Variants in DLGAP2 observed in about 807,000 individuals in gnomAD.
DLGAP2 encodes disks large-associated protein 2.
Under a neutral mutation model 100.3 loss-of-function variants are expected in DLGAP2, and 26 were observed. The observed-to-expected ratio is 0.26, with a 90% CI of 0.19 to 0.36. The LOEUF (loss-of-function observed/expected upper bound fraction) is 0.36. Ranked by LOEUF, DLGAP2 falls within the 10% of genes least tolerant of loss-of-function variation. The probability of loss-of-function intolerance (pLI) is 1.00; values close to 1 mark genes in which losing one functional copy is unlikely to be tolerated. For missense variants in DLGAP2, 1,858 were observed against 1,453.2 expected, an observed-to-expected ratio of 1.28 and a Z score of -4.53; for synonymous variants, 886 against 630.1, an observed-to-expected ratio of 1.41 and a Z score of -6.08.
chr8:979,095 A>G (rs1800255577), intron 2 of DLGAP2, among the ~76,000 whole-genome samples: 2 of 152,030 alleles, frequency 1.3e-5, no homozygotes, highest in Admixed American at 1.3e-4. Context: ...TAAGAATTCT[A>G]AATTGGGGGT....
chr8:1,206,231 C>G (rs1233187479), intron 2 of DLGAP2, among the ~76,000 whole-genome samples: 3 of 152,200 alleles, frequency 2.0e-5, no homozygotes, highest in Non-Finnish European at 4.4e-5. Flanking sequence ...ACCACAGTCT[C>G]TTGGCCACGC....
intron 3 of DLGAP2, among the ~76,000 whole-genome samples, chr8:1,443,594 A>T (rs1354762868): frequency 6.6e-6 from 1 of 152,226 alleles, no homozygotes; most frequent in East Asian, 1.9e-4. Context: ...TCACAGTTCC[A>T]CACGGCTGGG....
In DLGAP2 at chr8:1,267,637, G is replaced by GAAATCAAATCAAA. The variant is rs1382093781; in HGVS notation, c.106+8754_106+8755insAAATCAAATCAAA. ...ATAAGATAAGATAAATATTAAATAGGTCTACAAAAAGGCCTCCAGGGTCAG... is the reference window on the plus strand; with the variant it reads ...ATAAGATAAGATAAATATTAAATAGGAAATCAAATCAAATCTACAAAAAGGCCTCCAGGGTCAG... On this transcript the variant is annotated intron_variant, in intron 3 of 14. Coordinates refer to ENST00000637795, the MANE Select transcript of DLGAP2 (RefSeq NM_001346810.2). 1.3e-3 allele frequency among the ~76,000 whole-genome samples: 121 copies of GAAATCAAATCAAA among 91,962 alleles called. 3 individuals carry two copies. The East Asian group carries it at 0.016, about 12-fold the overall frequency. 60.3% of individuals were successfully genotyped at this position (91,962 alleles called of 152,430 possible). A position where few individuals can be genotyped will look rare whatever the true frequency, so the allele number is the denominator to read the frequency against.
At chr8:1,436,335 G>A (rs182703256) in intron 3 of DLGAP2, among the ~76,000 whole-genome samples, 1 of 152,300 alleles carries the variant, frequency 6.6e-6, no homozygotes, top group African/African-American at 2.4e-5. Context: ...AGGGCAGGAG[G>A]CATCCAGCAT....
At chr8:1,336,661 C>A (rs1801282483) in intron 3 of DLGAP2, among the ~76,000 whole-genome samples, 1 of 152,150 alleles carries the variant, frequency 6.6e-6, no homozygotes, top group African/African-American at 2.4e-5. Context: ...AGGCTGGGGC[C>A]CCTCAAGGAA....
chr8:1,159,681 T>G (rs1796853928), intron 2 of DLGAP2, among the ~76,000 whole-genome samples: 1 of 152,262 alleles, frequency 6.6e-6, no homozygotes. Flanking sequence ...TTATTTTATA[T>G]ACATTTTCAT....
chr8:1,698,753 C>G (rs563993451), intron 14 of DLGAP2, among the ~76,000 whole-genome samples: 2 of 151,846 alleles, frequency 1.3e-5, no homozygotes, highest in Non-Finnish European at 2.9e-5. Context: ...TGGGACTAGA[C>G]AAGTCCAAGT....
intron 3 of DLGAP2, among the ~76,000 whole-genome samples, chr8:1,387,738 C>T (rs1389685937): frequency 6.6e-6 from 1 of 152,098 alleles, no homozygotes; most frequent in Non-Finnish European, 1.5e-5. Flanking sequence ...GAGGAAGGTT[C>T]AGGTAGGAAT....
intron 4 of DLGAP2, among the ~76,000 whole-genome samples, chr8:1,537,857 A>G (rs1277579748): frequency 6.6e-6 from 1 of 152,224 alleles, no homozygotes; most frequent in Non-Finnish European, 1.5e-5. Context: ...ATATTCAGAG[A>G]AAAGAGAGCT....
intron 10 of DLGAP2, among the ~76,000 whole-genome samples, chr8:1,673,436 G>C (rs965187930): frequency 6.6e-6 from 1 of 152,196 alleles, no homozygotes; most frequent in Non-Finnish European, 1.5e-5. Flanking sequence ...TCCTGGCCAA[G>C]TATGATTTTA....
chr8:829,362 A>G lies in DLGAP2; in HGVS notation c.19-78550A>G, dbSNP rs552365445. On this transcript the variant is annotated intron_variant, in intron 1 of 14. Transcript: ENST00000637795. Reference sequence around the variant, plus strand: ...CATTTCATCACCCATGAAGGTGACAAATGCCCCGAGGTCTCTCTGTTTCTC... The same window carrying G: ...CATTTCATCACCCATGAAGGTGACAGATGCCCCGAGGTCTCTCTGTTTCTC... Among the ~76,000 whole-genome samples, 17 of 152,308 alleles carry G rather than the reference A, an allele frequency of 1.1e-4. No individual in the cohort carries two copies. In the East Asian group the frequency reaches 3.1e-3, roughly 28 times the overall value.
intron 3 of DLGAP2, among the ~76,000 whole-genome samples, chr8:1,386,421 C>A (rs369166025): frequency 3.3e-5 from 5 of 152,168 alleles, no homozygotes; most frequent in African/African-American, 9.7e-5. Flanking sequence ...AAAGACAGAT[C>A]GAGAAACCAG....
At chr8:827,756 T>C (rs1417808882) in intron 1 of DLGAP2, among the ~76,000 whole-genome samples, 1 of 152,188 alleles carries the variant, frequency 6.6e-6, no homozygotes, top group Non-Finnish European at 1.5e-5. Flanking sequence ...ACTGAATAGA[T>C]CTATGTTGCT....
At chr8:1,602,479 G>A (rs1796659937) in intron 6 of DLGAP2, among the ~76,000 whole-genome samples, 1 of 152,222 alleles carries the variant, frequency 6.6e-6, no homozygotes, top group South Asian at 2.1e-4. Flanking sequence ...ATGCAGCCAT[G>A]TTGCCCAGAG....
chr8:1,382,867 A>G (rs530228170), intron 3 of DLGAP2, among the ~76,000 whole-genome samples: 27 of 152,326 alleles, frequency 1.8e-4, no homozygotes, highest in African/African-American at 5.5e-4. Flanking sequence ...CCCCCAAAAA[A>G]GTTCTATAGC....
intron 8 of DLGAP2, among the ~76,000 whole-genome samples, chr8:1,657,244 C>G (rs1036540498): frequency 6.6e-6 from 1 of 152,182 alleles, no homozygotes; most frequent in African/African-American, 2.4e-5. Context: ...CTTGATTCAT[C>G]TTCTTTTTAA....
rs556809254 is a variant in DLGAP2 at position 1,271,431 on chromosome 8, C to G, written c.106+12548C>G. Among the ~76,000 whole-genome samples the G allele has an allele frequency of 1.0e-3, 152 of 152,256 alleles. 1 individual carries two copies. The South Asian group carries it at 0.029, about 29-fold the overall frequency. The stretch of plus-strand genomic sequence containing the variant: ...ATTCTGGAGACTTGACTTTATGAAC[C>G]TCCTTGTGCATTTGTTGATTATTCA... On this transcript the variant is annotated intron_variant, in intron 3 of 14. Coordinates refer to ENST00000637795, the MANE Select transcript of DLGAP2 (RefSeq NM_001346810.2).
At chr8:828,785 G>A (rs565923130) in intron 1 of DLGAP2, among the ~76,000 whole-genome samples, 5 of 152,282 alleles carry the variant, frequency 3.3e-5, no homozygotes. Context: ...ATTAATTTGG[G>A]GAACTAATGA....
At chr8:1,432,560 G>C (rs1186753880) in intron 3 of DLGAP2, among the ~76,000 whole-genome samples, 1 of 152,200 alleles carries the variant, frequency 6.6e-6, no homozygotes, top group Non-Finnish European at 1.5e-5. Flanking sequence ...TCCAGGGTGT[G>C]GAATTTATGA....
Sources: allele counts gnomAD v4.1 joint callset (sites outside exome capture counted in the v4.1 genomes callset), GRCh38; gene constraint gnomAD v4.1.1; transcripts MANE v1.5; gene names NCBI Gene and HGNC (gene_info 2026-07-23, HGNC 2026-07-21).